The following PRDM1 variants were observed in gnomAD, a reference collection of about 807,000 sequenced individuals.
The protein encoded by PRDM1 is PR domain zinc finger protein 1.
Under a neutral mutation model 62.8 loss-of-function variants are expected in PRDM1, and 13 were observed. The observed-to-expected ratio is 0.21, with a 90% CI of 0.13 to 0.33. The LOEUF (loss-of-function observed/expected upper bound fraction) is 0.33. Ranked by LOEUF, PRDM1 falls within the 10% of genes least tolerant of loss-of-function variation. The probability of loss-of-function intolerance (pLI) is 1.00; values close to 1 mark genes in which losing one functional copy is unlikely to be tolerated. For missense variants in PRDM1, 895 were observed against 1,058.8 expected (o/e 0.85, Z 2.15); for synonymous variants, 396 against 417.6 (o/e 0.95, Z 0.63).
rs1774494618 is a variant in PRDM1 at position 106,106,509 on chromosome 6, A to G, written c.1902+10A>G. On this transcript the variant is annotated intron_variant, in intron 6 of 6. Transcript: ENST00000369096. The surrounding 1 kb of genome is among the most constrained non-coding windows in gnomAD (Gnocchi z 4.4). ...GCCACATGAATGCCAGGTGCGCAGT[A>G]TTTTCTGGGTAGACCTTCTGACCTT... The G allele has an allele frequency of 1.9e-6, 3 of 1,613,884 alleles. No homozygotes were observed. Among genetic ancestry groups the G allele is most frequent in the Admixed American group, 1.7e-5 (1 of 60,000 alleles).
chr6:106,067,160 T>C (rs530821042), intron 1 of PRDM1, among the ~76,000 whole-genome samples: 2 of 152,308 alleles, frequency 1.3e-5, no homozygotes, highest in South Asian at 4.2e-4. Context: ...CCTCATAGAA[T>C]TTGCTTGCAT....
At chr6:106,023,266 C>T (rs1772720106) in intron 1 of PRDM1, among the ~76,000 whole-genome samples, 1 of 152,018 alleles carries the variant, frequency 6.6e-6, no homozygotes, top group African/African-American at 2.4e-5. Context: ...TCTATTTTTC[C>T]TCTACTATGG....
At chr6:106,049,101 C>T (rs1464482675) in intron 1 of PRDM1, among the ~76,000 whole-genome samples, 2 of 152,136 alleles carry the variant, frequency 1.3e-5, no homozygotes, top group African/African-American at 4.8e-5. Flanking sequence ...CAGGCATGGA[C>T]CACTGCGCCT....
At chr6:106,103,263 C>T (rs1279355796) in intron 4 of PRDM1, among the ~76,000 whole-genome samples, 2 of 152,110 alleles carry the variant, frequency 1.3e-5, no homozygotes, top group Non-Finnish European at 2.9e-5. Flanking sequence ...GGAATCGAAT[C>T]CCTCAAGCCA....
intron 4 of PRDM1, 131 bp downstream of exon 4, chr6:106,099,683 A>T: frequency 4.7e-6 from 6 of 1,285,386 alleles, no homozygotes; most frequent in Non-Finnish European, 6.3e-6. Flanking sequence ...TAAGCTAGGG[A>T]CTAGGAAGAG....
rs11317538 is a variant in PRDM1 at position 106,104,205 on chromosome 6, GTT to G, written c.665-605_665-604del. On this transcript the variant is annotated intron_variant, in intron 4 of 6. Coordinates refer to ENST00000369096, the MANE Select transcript of PRDM1 (RefSeq NM_001198.4). ...ATTTTTCCACTCCATTAAAATGGAA[GTT>G]TTTTTTTTTTTTTTCTTTTTTGAGA... is the stretch of plus-strand genomic sequence containing the variant. Among the ~76,000 whole-genome samples the G allele has an allele frequency of 7.8e-4, 110 of 141,864 alleles. 1 individual carries two copies. The highest frequency in any genetic ancestry group is 1.7e-3 in the East Asian group (8 of 4,816). 93.1% of individuals were successfully genotyped at this position (141,864 alleles called of 152,430 possible).
intron 1 of PRDM1, among the ~76,000 whole-genome samples, chr6:106,000,138 C>G (rs901697121): frequency 2.6e-5 from 4 of 152,214 alleles, no homozygotes; most frequent in Non-Finnish European, 5.9e-5. Context: ...CGTGAGCCAC[C>G]GCGCCTGGCA....
At chr6:106,056,312 G>C (rs1773266639) in intron 1 of PRDM1, among the ~76,000 whole-genome samples, 1 of 152,164 alleles carries the variant, frequency 6.6e-6, no homozygotes, top group African/African-American at 2.4e-5. Context: ...AGAGGATAAG[G>C]ACAGTTTCTG....
intron 1 of PRDM1, among the ~76,000 whole-genome samples, chr6:106,010,993 A>G (rs1772538378): frequency 6.6e-6 from 1 of 152,192 alleles, no homozygotes; most frequent in Non-Finnish European, 1.5e-5. Context: ...GCCACTGAGT[A>G]GCAGCAGGAC....
rs565212261 is a variant in PRDM1, at chr6:106,086,605, T to C, written c.42+10T>C. 3.8e-5 allele frequency: 59 copies of C among 1,548,260 alleles called. No individual in the cohort carries two copies. In the East Asian group the frequency reaches 1.4e-3, roughly 37 times the overall value. On this transcript the variant is annotated intron_variant, in intron 1 of 6. Transcript: ENST00000369096. ...TGTGGGTACGACCTTGGTAAGGAAC[T>C]TGAATTTTTTTTTTTTAATTCTGAA...
At chr6:106,069,096 C>T (rs1773474942) in intron 1 of PRDM1, among the ~76,000 whole-genome samples, 2 of 152,244 alleles carry the variant, frequency 1.3e-5, no homozygotes, top group Admixed American at 1.3e-4. Flanking sequence ...CACTTTGCCT[C>T]TCCTGTAAAA....
At chr6:106,029,882 G>A (rs1372859481) in intron 1 of PRDM1, among the ~76,000 whole-genome samples, 2 of 152,134 alleles carry the variant, frequency 1.3e-5, no homozygotes, top group African/African-American at 4.8e-5. Context: ...GCCTCCCAAA[G>A]CGTTAGGATT....
rs371609689 is a variant in PRDM1, at chr6:105,994,486, C to A, written c.-67+847C>A. Among the ~76,000 whole-genome samples, 5 of 152,134 alleles carry A rather than the reference C, an allele frequency of 3.3e-5. No individual in the cohort carries two copies. The highest frequency in any genetic ancestry group is 1.9e-4 in the East Asian group (1 of 5,194). ...TATTACGTTTCTTGTTCTCCGAGCT[C>A]GAGCCCCCTTTTAAAAAGTCGCTCA... On this transcript the variant is annotated intron_variant, in intron 1 of 6. Coordinates refer to the PRDM1 transcript ENST00000652320. The surrounding 1 kb of genome is among the most constrained non-coding windows in gnomAD (Gnocchi z 4.1).
intron 1 of PRDM1, among the ~76,000 whole-genome samples, chr6:106,063,718 G>T (rs1773383663): frequency 6.6e-6 from 1 of 152,156 alleles, no homozygotes; most frequent in African/African-American, 2.4e-5. Flanking sequence ...TAAAAAGATG[G>T]GGCAAGGAGA....
chr6:106,026,307 C>T (rs770534349), intron 1 of PRDM1, among the ~76,000 whole-genome samples: 7 of 151,912 alleles, frequency 4.6e-5, no homozygotes, highest in Admixed American at 1.3e-4. Flanking sequence ...GGAGAAACCC[C>T]GTCTCTACTA....
intron 1 of PRDM1, among the ~76,000 whole-genome samples, chr6:106,012,256 C>G (rs1283089570): frequency 6.7e-6 from 1 of 148,704 alleles, no homozygotes; most frequent in Non-Finnish European, 1.5e-5. Flanking sequence ...ACCACACACA[C>G]CACAACCCTC....
chr6:106,091,877 G>T lies in PRDM1; in HGVS notation c.291+3428G>T, dbSNP rs576797935. On this transcript the variant is annotated intron_variant, in intron 2 of 6. Coordinates refer to ENST00000369096, the MANE Select transcript of PRDM1 (RefSeq NM_001198.4). ...TAAAATAAAAATGAGGTGATTGCAGGCTGAAGGTCTTGGTCACTACTGAGT... is the reference window on the plus strand; with the variant it reads ...TAAAATAAAAATGAGGTGATTGCAGTCTGAAGGTCTTGGTCACTACTGAGT... Among the ~76,000 whole-genome samples the T allele has an allele frequency of 9.1e-4, 138 of 152,146 alleles. 1 individual carries two copies. The highest frequency in any genetic ancestry group is 1.7e-3 in the Non-Finnish European group (117 of 68,024).
chr6:106,108,148 A>G lies in PRDM1; in HGVS notation c.*662A>G, dbSNP rs369550077. ...ACAGCATTGTACATAACTTGGGGGT[A>G]TGTGTGCAGGATTACCCAAGAATAA... On this transcript the variant is annotated 3_prime_UTR_variant, in exon 7 of 7. Transcript: ENST00000369096. 1.7e-5 allele frequency: 4 copies of G among 233,442 alleles called. No individual in the cohort carries two copies. Among genetic ancestry groups the G allele is most frequent in the African/African-American group, 6.6e-5 (3 of 45,344 alleles). The allele number at this position is 233,442 out of a possible 1,614,324, so 14.5% of individuals were successfully genotyped here.
intron 4 of PRDM1, 141 bp downstream of exon 4, chr6:106,099,693 G>T: frequency 8.6e-7 from 1 of 1,161,026 alleles, no homozygotes; most frequent in South Asian, 1.6e-5. Context: ...ACTAGGAAGA[G>T]GAAAAACATT....
Sources: gnomAD v4.1 joint callset for allele counts (sites outside exome capture counted in the v4.1 genomes callset) on GRCh38, gnomAD v4.1.1 for gene constraint, Gnocchi (gnomAD v3.1) non-coding constraint, MANE v1.5 for transcripts, NCBI Gene and HGNC (gene_info 2026-07-23, HGNC 2026-07-21) for gene names.